The following TFEC variants were observed in gnomAD, a reference collection of about 807,000 sequenced individuals.
The protein encoded by TFEC is class E basic helix-loop-helix protein 34.
Under a neutral mutation model 41.6 loss-of-function variants are expected in TFEC, and 31 were observed. The ratio of observed to expected loss-of-function variants is 0.74; its 90% CI spans 0.56 to 1.01. The LOEUF (loss-of-function observed/expected upper bound fraction) is 1.01, where lower values mean the gene tolerates loss of function less well. Among genes scored for constraint, TFEC ranks in the 50% least tolerant of loss-of-function variants. The pLI, the probability that TFEC is intolerant of heterozygous loss-of-function variation, is 0.00. For missense variants in TFEC, 402 were observed against 404.1 expected (o/e 0.99, Z 0.04); for synonymous variants, 143 against 140.6 (o/e 1.02, Z -0.12).
chr7:116,055,481 T>C (rs1017958670), intron 3 of TFEC, among the ~76,000 whole-genome samples: 2 of 152,024 alleles, frequency 1.3e-5, no homozygotes. Flanking sequence ...AATATAGTTA[T>C]ATGGTGATTT....
At chr7:116,087,106 A>C (rs1048926038) in intron 3 of TFEC, among the ~76,000 whole-genome samples, 1 of 151,978 alleles carries the variant, frequency 6.6e-6, no homozygotes, top group Non-Finnish European at 1.5e-5. Flanking sequence ...AATTGATTAG[A>C]GATCAGGGGA....
At chr7:116,068,606 G>T (rs1394348300) in intron 3 of TFEC, among the ~76,000 whole-genome samples, 1 of 151,266 alleles carries the variant, frequency 6.6e-6, no homozygotes, top group Non-Finnish European at 1.5e-5. Context: ...TAATAGAAAA[G>T]CTTACTAGTA....
chr7:116,141,032 T>C (rs1798530360), intron 1 of TFEC, among the ~76,000 whole-genome samples: 1 of 152,162 alleles, frequency 6.6e-6, no homozygotes, highest in Non-Finnish European at 1.5e-5. Context: ...TCTCTTATAA[T>C]GTCTAGAAAT....
intron 6 of TFEC, 56 bp from the exon 7 acceptor site, chr7:115,942,096 G>A: frequency 6.7e-7 from 1 of 1,496,172 alleles, no homozygotes; most frequent in Non-Finnish European, 8.9e-7. Flanking sequence ...GAATTCATAA[G>A]AACTTACAAA....
chr7:116,003,403 A>G (rs1175034158), intron 1 of TFEC, among the ~76,000 whole-genome samples: 1 of 152,162 alleles, frequency 6.6e-6, no homozygotes, highest in Non-Finnish European at 1.5e-5. Context: ...GGGCCATTAG[A>G]TGATTTAAAA....
intron 3 of TFEC, among the ~76,000 whole-genome samples, chr7:116,075,017 C>T (rs535465651): frequency 8.5e-5 from 13 of 152,228 alleles, no homozygotes; most frequent in South Asian, 6.2e-4. Flanking sequence ...AAAGACACTA[C>T]TAACAAAAGA....
chr7:116,116,141 C>G (rs1562975135), intron 1 of TFEC, among the ~76,000 whole-genome samples: 1 of 151,732 alleles, frequency 6.6e-6, no homozygotes. Flanking sequence ...GTTCTTGGCT[C>G]AAAATTTACT....
intron 3 of TFEC, among the ~76,000 whole-genome samples, chr7:116,053,286 TC>T (rs1469235941): frequency 6.6e-6 from 1 of 152,172 alleles, no homozygotes; most frequent in African/African-American, 2.4e-5. Context: ...CAGTTACTAA[TC>T]AAATGTGAAA....
chr7:116,050,281 TAAA>T (rs1363014680), intron 3 of TFEC, among the ~76,000 whole-genome samples: 1 of 151,788 alleles, frequency 6.6e-6, no homozygotes, highest in South Asian at 2.1e-4. Context: ...ATAGATGCAA[TAAA>T]AAATGATAAA....
chr7:116,141,695 GT>G (rs1798544661), intron 1 of TFEC, among the ~76,000 whole-genome samples: 1 of 152,220 alleles, frequency 6.6e-6, no homozygotes, highest in African/African-American at 2.4e-5. Context: ...GAGCTCTGAA[GT>G]TATCTCTGCA....
Position 116,065,822 on chromosome 7 carries a change from A to G in TFEC, c.198+44886T>C, listed in dbSNP as rs531318420. Among the ~76,000 whole-genome samples the G allele has an allele frequency of 3.9e-5, 6 of 152,276 alleles. No homozygotes were observed. The East Asian group carries it at 1.2e-3, about 29-fold the overall frequency. On this transcript the variant is annotated intron_variant, in intron 3 of 8. Transcript: ENST00000484212. The stretch of plus-strand genomic sequence containing the variant: ...TGCTACAGCATGAATACCTAAGAAT[A>G]ATGATGCCCTATTGTTCCTTAGGGA...
intron 2 of TFEC, among the ~76,000 whole-genome samples, chr7:115,979,104 C>T (rs1457749519): frequency 6.6e-6 from 1 of 152,100 alleles, no homozygotes; most frequent in African/African-American, 2.4e-5. Context: ...CTTTCTCACA[C>T]CCACAATAGA....
intron 1 of TFEC, among the ~76,000 whole-genome samples, chr7:116,010,326 A>C (rs1362158813): frequency 6.6e-6 from 1 of 152,214 alleles, no homozygotes; most frequent in Non-Finnish European, 1.5e-5. Flanking sequence ...AATGAGGGTC[A>C]TGTGGTGAGG....
At position 115,940,531 on chromosome 7, in the gene TFEC, G is replaced by A; in HGVS notation, c.*20C>T. The A allele has an allele frequency of 1.3e-6, 2 of 1,582,814 alleles. No homozygotes were observed. Among genetic ancestry groups the A allele is most frequent in the Non-Finnish European group, 1.7e-6 (2 of 1,162,368 alleles). Reference sequence around the variant, plus strand: ...AGCATAGAATTGCTTTCCAGTTGATGAATTGGGTCTGTTTATTTCTTATAA... The same window carrying A: ...AGCATAGAATTGCTTTCCAGTTGATAAATTGGGTCTGTTTATTTCTTATAA... On this transcript the variant is annotated 3_prime_UTR_variant, in exon 8 of 8. Transcript: ENST00000265440.
At position 115,940,317 on chromosome 7, in the gene TFEC, T is replaced by C. The variant is rs115924584; in HGVS notation, c.*234A>G. 6.8e-3 allele frequency: 2,787 copies of C among 411,506 alleles called. 65 individuals carry two copies. Among genetic ancestry groups the C allele is most frequent in the African/African-American group, 0.052 (2,530 of 48,886 alleles). The allele number at this position is 411,506 out of a possible 1,614,324, so 25.5% of individuals were successfully genotyped here. A position where few individuals can be genotyped will look rare whatever the true frequency, so the allele number is the denominator to read the frequency against. On this transcript the variant is annotated 3_prime_UTR_variant, in exon 8 of 8. Coordinates refer to ENST00000265440, the MANE Select transcript of TFEC (RefSeq NM_012252.4). ...TCTTTTCAGGAAAACAGAATTTAAG[T>C]GGATTTGGACTCCGTAGTCAAAGAA... is the stretch of plus-strand genomic sequence containing the variant.
chr7:116,075,269 T>G (rs6965778), intron 3 of TFEC, among the ~76,000 whole-genome samples: 3 of 151,908 alleles, frequency 2.0e-5, no homozygotes, highest in Admixed American at 6.6e-5. Flanking sequence ...GGCGGACAGG[T>G]GGCAGGACTA....
chr7:116,062,099 T>C (rs1796571227), intron 3 of TFEC, among the ~76,000 whole-genome samples: 1 of 151,504 alleles, frequency 6.6e-6, no homozygotes, highest in Admixed American at 6.6e-5. Flanking sequence ...CTCACTCTGT[T>C]GTCCAGGCTG....
At chr7:115,950,629 A>G (rs537542784) in intron 6 of TFEC, among the ~76,000 whole-genome samples, 73 of 152,272 alleles carry the variant, frequency 4.8e-4, no homozygotes, top group African/African-American at 1.4e-3. Context: ...AAGACTCACT[A>G]TGAACTGAGG....
intron 3 of TFEC, among the ~76,000 whole-genome samples, chr7:116,106,195 C>A (rs900518446): frequency 6.6e-6 from 1 of 152,084 alleles, no homozygotes; most frequent in Non-Finnish European, 1.5e-5. Context: ...TGTCTAATTT[C>A]ACTCTTTAAA....
Sources: gnomAD v4.1 joint callset for allele counts (sites outside exome capture counted in the v4.1 genomes callset) on GRCh38, gnomAD v4.1.1 for gene constraint, MANE v1.5 for transcripts, NCBI Gene and HGNC (gene_info 2026-07-23, HGNC 2026-07-21) for gene names.